Variants in VPS8 observed in about 807,000 individuals in gnomAD.
VPS8 encodes VPS8 subunit of CORVET complex, also known as vacuolar protein sorting-associated protein 8 homolog.
Under a neutral mutation model 216.4 loss-of-function variants are expected in VPS8, and 129 were observed. That is an observed-to-expected ratio of 0.60 (90% CI 0.52 to 0.69). The LOEUF (loss-of-function observed/expected upper bound fraction) is 0.69, where lower values mean the gene tolerates loss of function less well. Ranked by LOEUF, VPS8 falls within the 30% of genes least tolerant of loss-of-function variation. The pLI is 0.00. For synonymous variants in VPS8, 571 were observed against 565.4 expected, an observed-to-expected ratio of 1.01 and a Z score of -0.14; for missense variants, 1,531 against 1,683.5, an observed-to-expected ratio of 0.91 and a Z score of 1.59.
At chr3:184,820,807 TAAAAA>T (rs1007588912) in intron 1 of VPS8, among the ~76,000 whole-genome samples, 1 of 151,980 alleles carries the variant, frequency 6.6e-6, no homozygotes, top group Admixed American at 6.6e-5. Flanking sequence ...ATGTTGATGT[TAAAAA>T]AAACCTAAAA....
intron 8 of VPS8, among the ~76,000 whole-genome samples, chr3:184,848,670 G>A (rs1164190908): frequency 6.8e-6 from 1 of 146,378 alleles, no homozygotes; most frequent in Non-Finnish European, 1.5e-5. Flanking sequence ...CCAAGTTTAA[G>A]TGATTCTTGT....
Position 184,995,065 on chromosome 3 carries a change from C to T in VPS8, c.3666+1002C>T, listed in dbSNP as rs180980527. ...ACCTCCCACTGGGTCCCTCCCACCACACGTGGTAATTCAAGATGAGATTTG... is the reference window on the plus strand; with the variant it reads ...ACCTCCCACTGGGTCCCTCCCACCATACGTGGTAATTCAAGATGAGATTTG... On this transcript the variant is annotated intron_variant, in intron 43 of 47. Coordinates refer to ENST00000625842, the MANE Select transcript of VPS8 (RefSeq NM_001009921.3). Among the ~76,000 whole-genome samples the T allele has an allele frequency of 4.6e-5, 7 of 152,356 alleles. No individual in the cohort carries two copies. In the East Asian group the frequency reaches 1.2e-3, roughly 25 times the overall value.
At chr3:184,836,210 A>T in intron 5 of VPS8, 1 of 454,600 alleles carries the variant, frequency 2.2e-6, no homozygotes, top group Non-Finnish European at 4.4e-6. Context: ...TGCTCAAGCA[A>T]TAGAGGAAAC....
At chr3:185,007,178 C>G (rs1231623473) in intron 45 of VPS8, among the ~76,000 whole-genome samples, 1 of 152,216 alleles carries the variant, frequency 6.6e-6, no homozygotes, top group African/African-American at 2.4e-5. Flanking sequence ...TTATCTCCCC[C>G]TCTTCCTCCT....
chr3:184,926,727 C>T lies in VPS8; in HGVS notation c.2631+77C>T, dbSNP rs1226507536. The T allele has an allele frequency of 2.8e-6, 4 of 1,408,376 alleles. No individual in the cohort carries two copies. In the East Asian group the frequency reaches 1.0e-4, roughly 35 times the overall value. 87.2% of individuals were successfully genotyped at this position (1,408,376 alleles called of 1,614,324 possible). Reference sequence around the variant, plus strand: ...CAGAAAGAATTCTTCTGTGCTAGACCTCACTACACATGAGGGGCAATTACT... The same window carrying T: ...CAGAAAGAATTCTTCTGTGCTAGACTTCACTACACATGAGGGGCAATTACT... On this transcript the variant is annotated intron_variant, in intron 31 of 47. Coordinates refer to ENST00000625842, the MANE Select transcript of VPS8 (RefSeq NM_001009921.3).
chr3:184,848,539 G>A (rs1723587078), intron 8 of VPS8, among the ~76,000 whole-genome samples: 1 of 129,846 alleles, frequency 7.7e-6, no homozygotes, highest in Admixed American at 7.5e-5. Context: ...ATGCTTCCTT[G>A]TAGATCTTTT....
Position 184,920,107 on chromosome 3 carries a change from A to C in VPS8, c.2383-20A>C. On this transcript the variant is annotated intron_variant, in intron 28 of 47. Transcript: ENST00000625842. ...TGTGCAAATAATAATTACTTTAAAA[A>C]ATTTATTTCTCCCTTTTAGACTTTT... is the stretch of plus-strand genomic sequence containing the variant. 6.8e-7 allele frequency: 1 copy of C among 1,480,156 alleles called. No homozygotes were observed. The highest frequency in any genetic ancestry group is 2.5e-5 in the East Asian group (1 of 39,898). The allele number at this position is 1,480,156 out of a possible 1,614,324, so 91.7% of individuals were successfully genotyped here. A position where few individuals can be genotyped will look rare whatever the true frequency, so the allele number is the denominator to read the frequency against.
intron 7 of VPS8, among the ~76,000 whole-genome samples, chr3:184,841,551 C>T (rs942613361): frequency 1.3e-5 from 2 of 152,020 alleles, no homozygotes; most frequent in African/African-American, 4.8e-5. Context: ...TCCATGATTA[C>T]TTTTTTAGGA....
At chr3:184,848,846 G>A (rs1444150407) in intron 8 of VPS8, among the ~76,000 whole-genome samples, 1 of 152,044 alleles carries the variant, frequency 6.6e-6, no homozygotes, top group East Asian at 1.9e-4. Flanking sequence ...TGGGATTACA[G>A]GCATGAGCCA....
intron 14 of VPS8, among the ~76,000 whole-genome samples, chr3:184,859,743 G>A (rs1725921806): frequency 6.6e-6 from 1 of 152,128 alleles, no homozygotes. Flanking sequence ...CTATGTCACA[G>A]CATTTGTCAG....
At chr3:185,050,123 A>ATTT (rs397939506) in intron 47 of VPS8, among the ~76,000 whole-genome samples, 18 of 139,384 alleles carry the variant, frequency 1.3e-4, no homozygotes, top group African/African-American at 4.4e-4. Flanking sequence ...CTGGGAAATA[A>ATTT]TTTTTTTTTT....
At chr3:184,955,016 C>T (rs1190718160) in intron 36 of VPS8, among the ~76,000 whole-genome samples, 5 of 152,160 alleles carry the variant, frequency 3.3e-5, no homozygotes, top group Non-Finnish European at 7.3e-5. Context: ...CCTTCTGTCA[C>T]GCCCACATAA....
chr3:184,915,985 C>A (rs1157299638), intron 28 of VPS8, among the ~76,000 whole-genome samples: 1 of 152,086 alleles, frequency 6.6e-6, no homozygotes, highest in Admixed American at 6.6e-5. Context: ...CTCCCTCCCT[C>A]CTTCTATCCC....
Position 184,852,526 on chromosome 3 carries a change from T to G in VPS8, c.780T>G (p.Ile260Met). 1.2e-6 allele frequency: 2 copies of G among 1,613,676 alleles called. No individual in the cohort carries two copies. The highest frequency in any genetic ancestry group is 2.2e-5 in the South Asian group (2 of 91,040). The change falls in exon 11 of 48, where the codon ATT (isoleucine) becomes ATG (methionine). Residue 260 changes from isoleucine (I) to methionine (M), a missense_variant. Coordinates refer to ENST00000625842, the MANE Select transcript of VPS8 (RefSeq NM_001009921.3). ...TTACAGATGATCCAACTCTTGCAAT[T>G]TGCAACGACAGCGGAGGCTCTGTTT... ...IKFTDDPTLA[I>M]CNDSGGSVFE...
At chr3:184,860,249 G>A (rs185702275) in intron 15 of VPS8, among the ~76,000 whole-genome samples, 184 bp downstream of exon 15, 4 of 151,888 alleles carry the variant, frequency 2.6e-5, no homozygotes, top group African/African-American at 9.7e-5. Context: ...AGCTGGGATA[G>A]CTTAAGCCCA....
intron 15 of VPS8, among the ~76,000 whole-genome samples, chr3:184,861,199 G>A (rs1281566789): frequency 6.6e-6 from 1 of 152,086 alleles, no homozygotes; most frequent in African/African-American, 2.4e-5. Context: ...TTAATTTTGA[G>A]AACAATGTAA....
chr3:184,996,811 A>G (rs552075160), intron 44 of VPS8, among the ~76,000 whole-genome samples: 2 of 152,342 alleles, frequency 1.3e-5, no homozygotes, highest in African/African-American at 4.8e-5. Flanking sequence ...GAGCAGAACG[A>G]GAGAGGGAGG....
chr3:184,939,532 G>T (rs1289201241), intron 35 of VPS8, among the ~76,000 whole-genome samples: 3 of 150,022 alleles, frequency 2.0e-5, no homozygotes, highest in Admixed American at 1.3e-4. Flanking sequence ...AATGTGGAAG[G>T]CAGAGAAGAT....
intron 39 of VPS8, among the ~76,000 whole-genome samples, chr3:184,968,497 A>G (rs9832304): frequency 0.71 from 107,843 of 152,150 alleles, 41,260 homozygotes; most frequent in East Asian, 0.86. Context: ...ATTCCCACCA[A>G]CAGTACACAA....
Sources: gnomAD v4.1 joint callset for allele counts (sites outside exome capture counted in the v4.1 genomes callset) on GRCh38, gnomAD v4.1.1 for gene constraint, MANE v1.5 for transcripts, NCBI Gene and HGNC (gene_info 2026-07-23, HGNC 2026-07-21) for gene names.